Variants in HECTD4 observed in about 807,000 individuals in gnomAD.
HECTD4 encodes probable E3 ubiquitin-protein ligase HECTD4.
Under a neutral mutation model 471.5 loss-of-function variants are expected in HECTD4, and 114 were observed. That is an observed-to-expected ratio of 0.24 (90% CI 0.21 to 0.28). The LOEUF (loss-of-function observed/expected upper bound fraction) is 0.28, where lower values mean the gene tolerates loss of function less well. Among genes scored for constraint, HECTD4 ranks in the 10% least tolerant of loss-of-function variants. HECTD4 has a pLI of 1.00. For synonymous variants in HECTD4, 2,012 were observed against 2,256.0 expected (o/e 0.89, Z 3.07); for missense variants, 3,866 against 5,651.5 (o/e 0.68, Z 10.13).
chr12:112,226,775 T>G lies in HECTD4; in HGVS notation c.6855-17A>C. The G allele has an allele frequency of 6.4e-7, 1 of 1,556,662 alleles. No individual in the cohort carries two copies. Among genetic ancestry groups the G allele is most frequent in the South Asian group, 1.1e-5 (1 of 87,832 alleles). ...AGGCATGCTCTTAATGTTAAAAGAT[T>G]TACAATATTTCAAAGTCATCAGTGT... On this transcript the variant is annotated splice_polypyrimidine_tract_variant and intron_variant, in intron 43 of 75. Coordinates refer to ENST00000682272, the MANE Select transcript of HECTD4 (RefSeq NM_001388303.1).
chr12:112,199,176 T>G (rs984045771), intron 55 of HECTD4, among the ~76,000 whole-genome samples: 1 of 152,182 alleles, frequency 6.6e-6, no homozygotes, highest in Non-Finnish European at 1.5e-5. Context: ...GGTCAGGGAA[T>G]AGCCCCTGAA....
intron 1 of HECTD4, among the ~76,000 whole-genome samples, chr12:112,364,925 A>G (rs1419253652): frequency 6.6e-6 from 1 of 152,208 alleles, no homozygotes; most frequent in Non-Finnish European, 1.5e-5. Flanking sequence ...CTTGTGGGGC[A>G]TAAGATCTTG....
At chr12:112,360,210 T>A (rs1363357230) in intron 1 of HECTD4, among the ~76,000 whole-genome samples, 1 of 152,188 alleles carries the variant, frequency 6.6e-6, no homozygotes, top group Admixed American at 6.5e-5. Context: ...TCCCAGCTAC[T>A]TGGGAGGCTG....
In HECTD4 at chr12:112,163,614, C is replaced by A. The variant is rs1342372506; in HGVS notation, c.12825G>T (p.Leu4275=). The A allele has an allele frequency of 1.9e-6, 3 of 1,538,680 alleles. No individual in the cohort carries two copies. In the East Asian group the frequency reaches 7.4e-5, roughly 38 times the overall value. The stretch of plus-strand genomic sequence containing the variant: ...CCATCTCCAGTGGGCTGAGCATGGT[C>A]AGCAGCTGCAGGGGGATGATGGAGC... ...GLGSIIPLQL[L]TMLSPLEMEL... The change falls in exon 74 of 76, where the codon CTG becomes CTT. Residue 4275 remains leucine, a synonymous_variant. Coordinates refer to ENST00000682272, the MANE Select transcript of HECTD4 (RefSeq NM_001388303.1). The surrounding 1 kb of genome is among the most constrained non-coding windows in gnomAD (Gnocchi z 8.2).
At chr12:112,312,441 C>A (rs2035391751) in intron 4 of HECTD4, among the ~76,000 whole-genome samples, 1 of 152,166 alleles carries the variant, frequency 6.6e-6, no homozygotes, top group Non-Finnish European at 1.5e-5. Flanking sequence ...ATGGAGAGGT[C>A]TATCCCATCT....
chr12:112,224,889 T>A (rs1448935304), intron 44 of HECTD4, among the ~76,000 whole-genome samples: 2 of 152,208 alleles, frequency 1.3e-5, no homozygotes, highest in Non-Finnish European at 2.9e-5. Context: ...AAGTGATTAA[T>A]TCAGCATGTT....
chr12:112,254,514 C>G (rs1593980213), intron 21 of HECTD4, among the ~76,000 whole-genome samples: 1 of 152,014 alleles, frequency 6.6e-6, no homozygotes, highest in Admixed American at 6.6e-5. Context: ...TAATTAATAA[C>G]AAATAACTCA....
intron 49 of HECTD4, 119 bp from the exon 50 acceptor site, chr12:112,210,371 G>T: frequency 9.5e-7 from 1 of 1,051,676 alleles, no homozygotes. Flanking sequence ...GTGTGTGCTG[G>T]CATGAGAAAC....
intron 52 of HECTD4, among the ~76,000 whole-genome samples, 178 bp from the exon 53 acceptor site, chr12:112,204,801 A>G (rs1249109180): frequency 6.6e-6 from 1 of 152,184 alleles, no homozygotes; most frequent in Admixed American, 6.5e-5. Context: ...TACTAAATGT[A>G]CTACTTTTAG....
chr12:112,238,975 T>A, intron 34 of HECTD4, 77 bp downstream of exon 34: 2 of 1,372,830 alleles, frequency 1.5e-6, no homozygotes, highest in Admixed American at 5.1e-5. Context: ...TCTCTTTCAT[T>A]TAGCATAAAA....
In HECTD4 at chr12:112,213,928, G is replaced by C. The variant is rs1046092308; in HGVS notation, c.7466-1278C>G. ...TCCCAGTTACTCAGGAGGCTGAGAT[G>C]GGAGGGTCACTTGAGCTCAGGGGGT... On this transcript the variant is annotated intron_variant, in intron 48 of 75. Coordinates refer to ENST00000682272, the MANE Select transcript of HECTD4 (RefSeq NM_001388303.1). This position sits in a 1 kb window ranked among gnomAD's most constrained non-coding sequence, Gnocchi z 4.0. 6.6e-6 allele frequency among the ~76,000 whole-genome samples: 1 copy of C among 151,500 alleles called. No homozygotes were observed. Among genetic ancestry groups the C allele is most frequent in the African/African-American group, 2.4e-5 (1 of 41,240 alleles).
At chr12:112,364,023 G>C (rs964326322) in intron 1 of HECTD4, among the ~76,000 whole-genome samples, 2 of 141,522 alleles carry the variant, frequency 1.4e-5, no homozygotes, top group Non-Finnish European at 1.5e-5. Context: ...AAAAATCAAA[G>C]GTCGTGACCC....
intron 62 of HECTD4, among the ~76,000 whole-genome samples, chr12:112,181,271 T>C (rs1384858757): frequency 1.3e-5 from 2 of 152,154 alleles, no homozygotes; most frequent in Non-Finnish European, 2.9e-5. Flanking sequence ...AGATCAGTAA[T>C]GCTAATCCTA....
chr12:112,285,377 T>C (rs772589678), intron 7 of HECTD4, among the ~76,000 whole-genome samples: 10 of 152,114 alleles, frequency 6.6e-5, no homozygotes, highest in Non-Finnish European at 1.0e-4. Flanking sequence ...ATTCAGGTCT[T>C]AGTTAAACGT....
In HECTD4 at chr12:112,165,994, T is replaced by G. The variant is rs2030940891; in HGVS notation, c.12534+1323A>C. On this transcript the variant is annotated intron_variant, in intron 72 of 75. Transcript: ENST00000682272. Reference sequence around the variant, plus strand: ...ACTGATACAAGTCGAGAGCACTTCTTCCTAGTATGCACCCCACAACACCAT... The same window carrying G: ...ACTGATACAAGTCGAGAGCACTTCTGCCTAGTATGCACCCCACAACACCAT... Among the ~76,000 whole-genome samples, 4 of 152,154 alleles carry G rather than the reference T, an allele frequency of 2.6e-5. No individual in the cohort carries two copies. In the South Asian group the frequency reaches 8.3e-4, roughly 32 times the overall value.
At chr12:112,266,784 C>T in intron 14 of HECTD4, 128 bp downstream of exon 14, 1 of 664,036 alleles carries the variant, frequency 1.5e-6, no homozygotes, top group South Asian at 1.7e-5. Context: ...GCCTGGCCTG[C>T]AGATACATTT....
intron 19 of HECTD4, 49 bp from the exon 20 acceptor site, chr12:112,258,645 C>A: frequency 6.8e-7 from 1 of 1,475,240 alleles, no homozygotes; most frequent in Non-Finnish European, 9.2e-7. Flanking sequence ...TGTCAGTTAT[C>A]TGAATGGTAT....
chr12:112,187,343 T>G (rs1207760850), intron 60 of HECTD4, among the ~76,000 whole-genome samples: 1 of 152,144 alleles, frequency 6.6e-6, no homozygotes, highest in African/African-American at 2.4e-5. Context: ...AGCATTCAGC[T>G]AGATTTTTGT....
Position 112,243,324 on chromosome 12 carries a change from G to T in HECTD4, c.4958+29C>A, listed in dbSNP as rs780685935. 6.3e-7 allele frequency: 1 copy of T among 1,595,280 alleles called. No homozygotes were observed. The highest frequency in any genetic ancestry group is 2.3e-5 in the East Asian group (1 of 44,350). ...GAATGGCTCTGACCATTCTAGAAAG[G>T]ACAGTATAAACTAACAGAAACAACT... On this transcript the variant is annotated intron_variant, in intron 32 of 75. Transcript: ENST00000682272. The surrounding 1 kb of genome is among the most constrained non-coding windows in gnomAD (Gnocchi z 6.6).
Sources: allele counts gnomAD v4.1 joint callset (sites outside exome capture counted in the v4.1 genomes callset), GRCh38; gene constraint gnomAD v4.1.1; non-coding constraint Gnocchi (gnomAD v3.1); transcripts MANE v1.5; gene names NCBI Gene and HGNC (gene_info 2026-07-23, HGNC 2026-07-21).